Variants in LIMD1 observed in about 807,000 individuals in gnomAD.
LIMD1 encodes LIM domain containing 1.
LIMD1 carries 23 observed loss-of-function variants against 58.4 expected under a neutral mutation model. The observed-to-expected ratio is 0.39, with a 90% CI of 0.28 to 0.56. The LOEUF (loss-of-function observed/expected upper bound fraction) is 0.56. LIMD1 is among the 20% of genes least tolerant of loss of function. LIMD1 has a pLI of 0.57. For missense variants in LIMD1, 838 were observed against 855.5 expected, an observed-to-expected ratio of 0.98 and a Z score of 0.25; for synonymous variants, 334 against 345.5, an observed-to-expected ratio of 0.97 and a Z score of 0.37.
At chr3:45,639,453 TC>T (rs1701820438) in intron 2 of LIMD1, among the ~76,000 whole-genome samples, 1 of 152,144 alleles carries the variant, frequency 6.6e-6, no homozygotes, top group Admixed American at 6.5e-5. Flanking sequence ...AATGTATTTC[TC>T]ACAGTTCTAG....
intron 1 of LIMD1, among the ~76,000 whole-genome samples, chr3:45,610,161 G>A (rs1701509823): frequency 6.6e-6 from 1 of 152,168 alleles, no homozygotes; most frequent in Non-Finnish European, 1.5e-5. Context: ...TCCAGCCTGG[G>A]CAACAGAGCA....
chr3:45,658,679 C>T (rs975275433), intron 2 of LIMD1, among the ~76,000 whole-genome samples: 1 of 151,254 alleles, frequency 6.6e-6, no homozygotes, highest in African/African-American at 2.4e-5. Flanking sequence ...CCTCAGCCTC[C>T]TGAGTAGCTG....
At chr3:45,623,933 T>G (rs774231821) in intron 1 of LIMD1, among the ~76,000 whole-genome samples, 1 of 152,162 alleles carries the variant, frequency 6.6e-6, no homozygotes, top group Non-Finnish European at 1.5e-5. Context: ...GATATGCGTG[T>G]TAGTCAGGAG....
intron 2 of LIMD1, among the ~76,000 whole-genome samples, chr3:45,642,853 C>T (rs968360740): frequency 3.3e-5 from 5 of 152,134 alleles, no homozygotes; most frequent in African/African-American, 1.2e-4. Context: ...GTTCAAGTTC[C>T]CTTCTTCTTT....
At chr3:45,645,002 A>G (rs1701887227) in intron 2 of LIMD1, among the ~76,000 whole-genome samples, 1 of 152,256 alleles carries the variant, frequency 6.6e-6, no homozygotes, top group Non-Finnish European at 1.5e-5. Flanking sequence ...CATCATATTC[A>G]GCAGTTCTGT....
rs1697707850 is a variant in LIMD1, at chr3:45,679,240, T to G, written c.*2181T>G. On this transcript the variant is annotated 3_prime_UTR_variant, in exon 8 of 8. Transcript: ENST00000273317. The stretch of plus-strand genomic sequence containing the variant: ...GAGGTGATTCAGATAGGTTTGCGAA[T>G]ATACCATTTTATATTGTTGAGAAAG... 6.6e-6 allele frequency: 1 copy of G among 152,260 alleles called. No homozygotes were observed. Among genetic ancestry groups the G allele is most frequent in the South Asian group, 2.1e-4 (1 of 4,836 alleles). 9.4% of individuals were successfully genotyped at this position (152,260 alleles called of 1,614,324 possible).
intron 1 of LIMD1, among the ~76,000 whole-genome samples, chr3:45,610,584 G>A (rs1701513902): frequency 6.6e-6 from 1 of 152,216 alleles, no homozygotes; most frequent in African/African-American, 2.4e-5. Context: ...TTGAGGAGCT[G>A]TTGGTGGGAA....
chr3:45,602,124 GT>G (rs1701420281), intron 1 of LIMD1, among the ~76,000 whole-genome samples: 1 of 151,910 alleles, frequency 6.6e-6, no homozygotes, highest in African/African-American at 2.4e-5. Flanking sequence ...TTATATATAT[GT>G]TTTTAGTAGA....
chr3:45,641,716 A>G (rs1409995573), intron 2 of LIMD1, among the ~76,000 whole-genome samples: 2 of 152,170 alleles, frequency 1.3e-5, no homozygotes, highest in African/African-American at 2.4e-5. Context: ...TAGGCAGTTT[A>G]TTACTTACAT....
At chr3:45,611,846 C>T (rs112656097) in intron 1 of LIMD1, among the ~76,000 whole-genome samples, 26 of 152,300 alleles carry the variant, frequency 1.7e-4, no homozygotes, top group African/African-American at 5.5e-4. Flanking sequence ...GCTGGCAGCC[C>T]CTCCTCTACC....
chr3:45,622,468 TG>T (rs1391719668), intron 1 of LIMD1, among the ~76,000 whole-genome samples: 1 of 152,140 alleles, frequency 6.6e-6, no homozygotes, highest in African/African-American at 2.4e-5. Flanking sequence ...TGGTAAGAGA[TG>T]AACAAATACA....
At chr3:45,648,837 AT>A (rs760574381) in intron 2 of LIMD1, among the ~76,000 whole-genome samples, 1 of 152,184 alleles carries the variant, frequency 6.6e-6, no homozygotes, top group African/African-American at 2.4e-5. Flanking sequence ...GATGTTGAGC[AT>A]CTTTTCATAC....
intron 1 of LIMD1, among the ~76,000 whole-genome samples, chr3:45,626,999 T>C (rs1575350561): frequency 6.6e-6 from 1 of 152,172 alleles, no homozygotes; most frequent in African/African-American, 2.4e-5. Context: ...TGTTGGCCTA[T>C]TGACTATTAA....
At chr3:45,647,811 A>G (rs544594137) in intron 2 of LIMD1, among the ~76,000 whole-genome samples, 1 of 152,082 alleles carries the variant, frequency 6.6e-6, no homozygotes, top group African/African-American at 2.4e-5. Flanking sequence ...CTTTCTTTCT[A>G]ACTATCCCCC....
At chr3:45,641,139 G>A (rs1701838065) in intron 2 of LIMD1, among the ~76,000 whole-genome samples, 1 of 152,150 alleles carries the variant, frequency 6.6e-6, no homozygotes, top group African/African-American at 2.4e-5. Context: ...TGGGGGTCTG[G>A]GTGCATCTAG....
At chr3:45,633,894 C>G (rs997613489) in intron 1 of LIMD1, among the ~76,000 whole-genome samples, 6 of 152,150 alleles carry the variant, frequency 3.9e-5, no homozygotes, top group Admixed American at 3.9e-4. Flanking sequence ...ACAGGGCTTT[C>G]TACCCTGTGG....
In LIMD1 at chr3:45,596,086, G is replaced by A. The variant is rs1701346249; in HGVS notation, c.1207G>A (p.Glu403Lys). 1.2e-6 allele frequency: 2 copies of A among 1,614,112 alleles called. No individual in the cohort carries two copies. The highest frequency in any genetic ancestry group is 2.7e-5 in the African/African-American group (2 of 74,942). ...CACCCTGCCTGAGTTATCTTGTAAA[G>A]AGGGTCCCCTGGGCTGGTCTTCTGA... ...MSTLPELSCK[E>K]GPLGWSSDGS... is the part of the protein sequence containing the mutation. The change falls in exon 1 of 8, where the codon GAG becomes AAG. Residue 403 changes from glutamate to lysine, a missense_variant. By Grantham distance (56) the Glu-to-Lys change is moderately conservative (BLOSUM62 1). Transcript: ENST00000273317.
intron 2 of LIMD1, among the ~76,000 whole-genome samples, chr3:45,639,632 AC>A (rs1183121983): frequency 6.6e-6 from 1 of 151,880 alleles, no homozygotes; most frequent in African/African-American, 2.4e-5. Flanking sequence ...CAAAGGCCCT[AC>A]CCCCTAATCC....
At chr3:45,639,381 T>C (rs1701819268) in intron 2 of LIMD1, among the ~76,000 whole-genome samples, 1 of 152,228 alleles carries the variant, frequency 6.6e-6, no homozygotes, top group Non-Finnish European at 1.5e-5. Context: ...TTGATGAGCG[T>C]CTTAGTCTGT....
Sources: gnomAD v4.1 joint callset for allele counts (sites outside exome capture counted in the v4.1 genomes callset) on GRCh38, gnomAD v4.1.1 for gene constraint, MANE v1.5 for transcripts, NCBI Gene and HGNC (gene_info 2026-07-23, HGNC 2026-07-21) for gene names.